LRRC4B: variants seen among roughly 807,000 people sequenced by gnomAD.
LRRC4B encodes the protein leucine rich repeat containing 4B, also known as leucine-rich repeat-containing protein 4B.
A neutral mutation model predicts 7.3 loss-of-function variants in LRRC4B; 1 was observed. That is an observed-to-expected ratio of 0.14 (90% CI 0.05 to 0.65). The LOEUF is 0.65. Among genes scored for constraint, LRRC4B ranks in the 30% least tolerant of loss-of-function variants. The pLI, the probability that LRRC4B is intolerant of heterozygous loss-of-function variation, is 0.84. For synonymous variants in LRRC4B, 500 were observed against 499.2 expected, an observed-to-expected ratio of 1.00 and a Z score of -0.02; for missense variants, 730 against 1,041.6, an observed-to-expected ratio of 0.70 and a Z score of 4.12.
chr19:50,524,015 T>A (rs748765946), intron 2 of LRRC4B, among the ~76,000 whole-genome samples: 4 of 151,870 alleles, frequency 2.6e-5, no homozygotes, highest in African/African-American at 7.3e-5. Flanking sequence ...GTGAACTTTA[T>A]CTGTTGGGAA....
Position 50,517,543 on chromosome 19 carries a change from C to T in LRRC4B, c.*28G>A, listed in dbSNP as rs758341207. The T allele has an allele frequency of 2.9e-6, 4 of 1,403,066 alleles. No homozygotes were observed. The highest frequency in any genetic ancestry group is 2.7e-5 in the East Asian group (1 of 36,366). 86.9% of individuals were successfully genotyped at this position (1,403,066 alleles called of 1,614,324 possible). A position where few individuals can be genotyped will look rare whatever the true frequency, so the allele number is the denominator to read the frequency against. ...GCTGGGACCTGGGTGGGGGGCTCCA[C>T]GCCCCTCGCCCGCCCGGCCCCGCCG... is the stretch of plus-strand genomic sequence containing the variant. On this transcript the variant is annotated 3_prime_UTR_variant, in exon 3 of 3. Coordinates refer to ENST00000652263, the MANE Select transcript of LRRC4B (RefSeq NM_001080457.2). The surrounding 1 kb of genome is among the most constrained non-coding windows in gnomAD (Gnocchi z 6.6).
At chr19:50,552,093 G>T (rs1251169842) in intron 1 of LRRC4B, among the ~76,000 whole-genome samples, 1 of 152,078 alleles carries the variant, frequency 6.6e-6, no homozygotes, top group Non-Finnish European at 1.5e-5. Flanking sequence ...AAGAAAGGGG[G>T]GTGGTTGGGC....
At chr19:50,565,467 C>T (rs531946589) in intron 1 of LRRC4B, among the ~76,000 whole-genome samples, 14 of 152,100 alleles carry the variant, frequency 9.2e-5, no homozygotes, top group Non-Finnish European at 1.6e-4. Flanking sequence ...GCGTCTGCAA[C>T]TGGGCCTCTC....
chr19:50,549,011 A>G, intron 1 of LRRC4B, 138 bp from the exon 2 acceptor site: 2 of 578,782 alleles, frequency 3.5e-6, no homozygotes, highest in Non-Finnish European at 6.0e-6. Context: ...GGAGGGAGAC[A>G]GCTGCCGATG....
At chr19:50,535,195 C>T (rs1981227012) in intron 2 of LRRC4B, among the ~76,000 whole-genome samples, 1 of 150,830 alleles carries the variant, frequency 6.6e-6, no homozygotes, top group Non-Finnish European at 1.5e-5. Flanking sequence ...ATTTTTAAGA[C>T]AGGATCTTGC....
Position 50,519,714 on chromosome 19 carries a change from T to C in LRRC4B, c.298-299A>G, listed in dbSNP as rs1304467792. Among the ~76,000 whole-genome samples the C allele has an allele frequency of 6.6e-6, 1 of 151,778 alleles. No homozygotes were observed. Among genetic ancestry groups the C allele is most frequent in the Non-Finnish European group, 1.5e-5 (1 of 67,972 alleles). ...CAACATGGTGAAACCCTGTCTCTACTAAAAATACAAAAATTAGCCAGGTGT... is the reference window on the plus strand; with the variant it reads ...CAACATGGTGAAACCCTGTCTCTACCAAAAATACAAAAATTAGCCAGGTGT... On this transcript the variant is annotated intron_variant, in intron 2 of 2. Coordinates refer to ENST00000652263, the MANE Select transcript of LRRC4B (RefSeq NM_001080457.2). The surrounding 1 kb of genome is among the most constrained non-coding windows in gnomAD (Gnocchi z 8.1).
intron 2 of LRRC4B, among the ~76,000 whole-genome samples, chr19:50,528,796 G>A (rs1010577658): frequency 1.4e-4 from 22 of 152,184 alleles, no homozygotes; most frequent in Non-Finnish European, 2.8e-4. Context: ...CAGCCTGCAG[G>A]ACACAGCCTG....
intron 2 of LRRC4B, among the ~76,000 whole-genome samples, chr19:50,540,336 G>A (rs1469828153): frequency 6.6e-6 from 1 of 151,978 alleles, no homozygotes; most frequent in Non-Finnish European, 1.5e-5. Context: ...GATCACTGGC[G>A]GCATTACATT....
intron 1 of LRRC4B, among the ~76,000 whole-genome samples, chr19:50,550,591 G>A (rs1982013630): frequency 6.6e-6 from 1 of 152,148 alleles, no homozygotes; most frequent in African/African-American, 2.4e-5. Context: ...AAAAATGTGT[G>A]TGCATACGTC....
In LRRC4B at chr19:50,559,173, GCCTGTAATCCCAGC is replaced by G. The variant is rs558855879; in HGVS notation, c.-36+8757_-36+8770del. ...AAGAGGGCCGGGGGTGGTGGCTCAC[GCCTGTAATCCCAGC>G]ACTTTGGGAGGCCAAGGTGGGCGGA... is the stretch of plus-strand genomic sequence containing the variant. On this transcript the variant is annotated intron_variant, in intron 1 of 2. Coordinates refer to ENST00000652263, the MANE Select transcript of LRRC4B (RefSeq NM_001080457.2). Among the ~76,000 whole-genome samples the G allele has an allele frequency of 2.0e-3, 306 of 152,308 alleles. 1 individual carries two copies. The highest frequency in any genetic ancestry group is 6.9e-3 in the African/African-American group (286 of 41,574).
At chr19:50,559,752 A>G (rs888166466) in intron 1 of LRRC4B, among the ~76,000 whole-genome samples, 2 of 152,260 alleles carry the variant, frequency 1.3e-5, no homozygotes, top group Admixed American at 6.5e-5. Context: ...GGGTGCTGCT[A>G]AAAGTCATAA....
chr19:50,565,080 C>T (rs1982585766), intron 1 of LRRC4B, among the ~76,000 whole-genome samples: 2 of 152,182 alleles, frequency 1.3e-5, no homozygotes, highest in Admixed American at 6.5e-5. Context: ...GAGAGGAACA[C>T]TCTCAGGGCT....
intron 2 of LRRC4B, among the ~76,000 whole-genome samples, chr19:50,527,348 CTTTTTTTTTTT>C (rs59423387): frequency 8.0e-6 from 1 of 124,522 alleles, no homozygotes; most frequent in Admixed American, 8.4e-5. Flanking sequence ...TTTCTTTTTT[CTTTTTTTTTTT>C]TTTTTTTTAG....
intron 2 of LRRC4B, among the ~76,000 whole-genome samples, chr19:50,531,234 C>T (rs150999907): frequency 2.1e-3 from 318 of 152,370 alleles, no homozygotes; most frequent in African/African-American, 7.1e-3. Context: ...GAGCATCACA[C>T]GTCATTTCAG....
chr19:50,559,436 A>G (rs1245397566), intron 1 of LRRC4B, among the ~76,000 whole-genome samples: 1 of 152,220 alleles, frequency 6.6e-6, no homozygotes, highest in African/African-American at 2.4e-5. Flanking sequence ...TCTGTCTGAA[A>G]AAAAGGAAAG....
At position 50,564,000 on chromosome 19, in the gene LRRC4B, G is replaced by A. The variant is rs551830015; in HGVS notation, c.-36+3944C>T. ...AGGAGGAGGGGCAGAGAGAGGACCCGGCAAGGGAAACCAAGGGAAGGAGAG... is the reference window on the plus strand; with the variant it reads ...AGGAGGAGGGGCAGAGAGAGGACCCAGCAAGGGAAACCAAGGGAAGGAGAG... On this transcript the variant is annotated intron_variant, in intron 1 of 2. Coordinates refer to ENST00000652263, the MANE Select transcript of LRRC4B (RefSeq NM_001080457.2). The surrounding 1 kb of genome is among the most constrained non-coding windows in gnomAD (Gnocchi z 4.9). Among the ~76,000 whole-genome samples, 15 of 152,244 alleles carry A rather than the reference G, an allele frequency of 9.9e-5. No individual in the cohort carries two copies. Among genetic ancestry groups the A allele is most frequent in the African/African-American group, 3.4e-4 (14 of 41,546 alleles).
chr19:50,521,945 G>A lies in LRRC4B; in HGVS notation c.298-2530C>T, dbSNP rs555302257. 1.6e-3 allele frequency among the ~76,000 whole-genome samples: 246 copies of A among 152,278 alleles called. 1 individual carries two copies. Among genetic ancestry groups the A allele is most frequent in the Non-Finnish European group, 1.5e-3 (105 of 68,028 alleles). On this transcript the variant is annotated intron_variant, in intron 2 of 2. Transcript: ENST00000652263. ...AATCCCAGCACTTTGGGAGGCCGAG[G>A]TGGGAGGATCACTTGAGCTCGGGAA...
chr19:50,566,908 C>T (rs1982647376), intron 1 of LRRC4B, among the ~76,000 whole-genome samples: 1 of 123,044 alleles, frequency 8.1e-6, no homozygotes, highest in East Asian at 2.4e-4. Flanking sequence ...AGGGGAGAGG[C>T]TGGGGTGCAA....
At chr19:50,533,301 T>C (rs1273909567) in intron 2 of LRRC4B, among the ~76,000 whole-genome samples, 1 of 152,210 alleles carries the variant, frequency 6.6e-6, no homozygotes, top group East Asian at 1.9e-4. Flanking sequence ...TTCCATTTCT[T>C]CTCTCTACTG....
Sources: allele counts gnomAD v4.1 joint callset (sites outside exome capture counted in the v4.1 genomes callset), GRCh38; gene constraint gnomAD v4.1.1; non-coding constraint Gnocchi (gnomAD v3.1); transcripts MANE v1.5; gene names NCBI Gene and HGNC (gene_info 2026-07-23, HGNC 2026-07-21).